Variants in MAMDC2 observed in about 807,000 individuals in gnomAD.
MAMDC2 encodes MAM domain containing 2.
A neutral mutation model predicts 89.8 loss-of-function variants in MAMDC2; 57 were observed. The ratio of observed to expected loss-of-function variants is 0.63; its 90% CI spans 0.51 to 0.79. The LOEUF (loss-of-function observed/expected upper bound fraction) is 0.79, where lower values mean the gene tolerates loss of function less well. Ranked by LOEUF, MAMDC2 falls within the 30% of genes least tolerant of loss-of-function variation. The pLI, the probability that MAMDC2 is intolerant of heterozygous loss-of-function variation, is 0.00. For missense variants in MAMDC2, 800 were observed against 820.6 expected, an observed-to-expected ratio of 0.97 and a Z score of 0.31; for synonymous variants, 313 against 293.4, an observed-to-expected ratio of 1.07 and a Z score of -0.68.
intron 9 of MAMDC2, among the ~76,000 whole-genome samples, chr9:70,150,875 T>C (rs1320459074): frequency 2.0e-5 from 3 of 152,208 alleles, no homozygotes; most frequent in Non-Finnish European, 4.4e-5. Context: ...GCAGCCAGAA[T>C]CATTTCTTTG....
At chr9:70,044,344 C>G in intron 1 of MAMDC2, 113 bp downstream of exon 1, 1 of 1,208,354 alleles carries the variant, frequency 8.3e-7, no homozygotes, top group Non-Finnish European at 1.2e-6. Context: ...GAGGGCGCCT[C>G]CTGATCCTCC....
intron 11 of MAMDC2, among the ~76,000 whole-genome samples, chr9:70,191,618 G>A (rs1228102284): frequency 6.6e-6 from 1 of 152,034 alleles, no homozygotes; most frequent in Admixed American, 6.6e-5. Context: ...TTCTCCAGTA[G>A]ACAACTAGAA....
chr9:70,166,300 CACACAT>C (rs1406641541), intron 9 of MAMDC2, among the ~76,000 whole-genome samples: 62 of 96,786 alleles, frequency 6.4e-4, no homozygotes, highest in African/African-American at 1.4e-3. Flanking sequence ...CACACACACA[CACACAT>C]ATATATATAT....
intron 2 of MAMDC2, among the ~76,000 whole-genome samples, chr9:70,053,657 G>C (rs958087247): frequency 6.6e-6 from 1 of 152,212 alleles, no homozygotes; most frequent in East Asian, 1.9e-4. Context: ...GAAGTATAGA[G>C]AGCAATATTT....
chr9:70,167,517 T>C (rs1349315469), intron 9 of MAMDC2, among the ~76,000 whole-genome samples: 4 of 151,856 alleles, frequency 2.6e-5, no homozygotes, highest in Non-Finnish European at 4.4e-5. Context: ...TATCATCCTT[T>C]GTCTGTTTGA....
At chr9:70,130,320 G>A (rs2030748303) in intron 6 of MAMDC2, among the ~76,000 whole-genome samples, 1 of 151,968 alleles carries the variant, frequency 6.6e-6, no homozygotes, top group Non-Finnish European at 1.5e-5. Flanking sequence ...TTTTAGACAG[G>A]GTTTCTGTCT....
chr9:70,219,612 T>C (rs537536341), intron 12 of MAMDC2, among the ~76,000 whole-genome samples: 1 of 152,298 alleles, frequency 6.6e-6, no homozygotes, highest in South Asian at 2.1e-4. Context: ...CAAGTTGCAG[T>C]GCAGTCAAAG....
chr9:70,134,055 T>C (rs2030911649), intron 7 of MAMDC2, among the ~76,000 whole-genome samples: 2 of 152,174 alleles, frequency 1.3e-5, no homozygotes, highest in Admixed American at 1.3e-4. Context: ...GTGCCAACAT[T>C]TTTTCCTTAA....
intron 9 of MAMDC2, among the ~76,000 whole-genome samples, chr9:70,149,908 G>A (rs1364700755): frequency 6.6e-6 from 1 of 152,200 alleles, no homozygotes; most frequent in African/African-American, 2.4e-5. Flanking sequence ...GGTAGCCAAA[G>A]GCCTGTGCAA....
At chr9:70,078,849 T>C (rs1438864736) in intron 2 of MAMDC2, among the ~76,000 whole-genome samples, 1 of 151,296 alleles carries the variant, frequency 6.6e-6, no homozygotes, top group Non-Finnish European at 1.5e-5. Context: ...CAAGCTGCCA[T>C]GTCCTGCCAA....
intron 9 of MAMDC2, among the ~76,000 whole-genome samples, chr9:70,160,450 C>T (rs182217024): frequency 1.3e-5 from 2 of 152,140 alleles, no homozygotes; most frequent in Admixed American, 1.3e-4. Flanking sequence ...AGGTTTTTCT[C>T]ATTTATTTTC....
intron 2 of MAMDC2, chr9:70,087,118 G>A (rs1376396704): frequency 6.6e-6 from 1 of 152,072 alleles, no homozygotes; most frequent in Non-Finnish European, 1.5e-5. Flanking sequence ...ACCTTCTACT[G>A]TCCTGTTCAC....
At chr9:70,165,212 G>T (rs752301277) in intron 9 of MAMDC2, among the ~76,000 whole-genome samples, 18 of 152,138 alleles carry the variant, frequency 1.2e-4, no homozygotes, top group Non-Finnish European at 2.5e-4. Flanking sequence ...AACAGGACAA[G>T]ATGTTTGACT....
At chr9:70,170,702 C>G in intron 11 of MAMDC2, 71 bp downstream of exon 11, 1 of 1,424,862 alleles carries the variant, frequency 7.0e-7, no homozygotes. Context: ...TCGTTTACTG[C>G]ATTTTGAAAT....
At chr9:70,135,482 T>TA (rs1008000813) in intron 7 of MAMDC2, among the ~76,000 whole-genome samples, 2 of 152,150 alleles carry the variant, frequency 1.3e-5, no homozygotes, top group East Asian at 1.9e-4. Context: ...GATTTTTTTT[T>TA]ATCAGACCTC....
chr9:70,096,023 T>G (rs1407376961), intron 2 of MAMDC2, among the ~76,000 whole-genome samples: 1 of 149,472 alleles, frequency 6.7e-6, no homozygotes, highest in Non-Finnish European at 1.5e-5. Flanking sequence ...TTAATTTAAG[T>G]TTTTTTTTTC....
At chr9:70,058,518 A>G (rs1417183567) in intron 2 of MAMDC2, among the ~76,000 whole-genome samples, 1 of 152,108 alleles carries the variant, frequency 6.6e-6, no homozygotes, top group Non-Finnish European at 1.5e-5. Flanking sequence ...TAATTAGTTT[A>G]ACCCTCCCAA....
Position 70,126,138 on chromosome 9 carries a change from CTCTG to C in MAMDC2, c.644-15_644-12del. 3 of 1,592,880 alleles carry C rather than the reference CTCTG, an allele frequency of 1.9e-6. No homozygotes were observed. The highest frequency in any genetic ancestry group is 1.3e-5 in the African/African-American group (1 of 74,466). ...CCCACCCCCAACTCTTAACACTGTGCTCTGTCTGTGTGATTTTCAGGCCACTACA... is the reference window on the plus strand; with the variant it reads ...CCCACCCCCAACTCTTAACACTGTGCTCTGTGTGATTTTCAGGCCACTACA... On this transcript the variant is annotated splice_polypyrimidine_tract_variant and intron_variant, in intron 5 of 13. Coordinates refer to ENST00000377182, the MANE Select transcript of MAMDC2 (RefSeq NM_153267.5).
intron 4 of MAMDC2, among the ~76,000 whole-genome samples, chr9:70,111,519 T>TA (rs1383906138): frequency 3.9e-5 from 6 of 152,352 alleles, no homozygotes; most frequent in African/African-American, 1.4e-4. Context: ...GAAGATTGAA[T>TA]AAGTTAATTT....
Sources: allele counts gnomAD v4.1 joint callset (sites outside exome capture counted in the v4.1 genomes callset), GRCh38; gene constraint gnomAD v4.1.1; transcripts MANE v1.5; gene names NCBI Gene and HGNC (gene_info 2026-07-23, HGNC 2026-07-21).